Variants in ST7 observed in about 807,000 individuals in gnomAD.
ST7 encodes suppressor of tumorigenicity 7 protein.
A neutral mutation model predicts 78.7 loss-of-function variants in ST7; 28 were observed. The observed-to-expected ratio is 0.36, with a 90% CI of 0.26 to 0.49. The LOEUF (loss-of-function observed/expected upper bound fraction) is 0.49, where lower values mean the gene tolerates loss of function less well. Ranked by LOEUF, ST7 falls within the 20% of genes least tolerant of loss-of-function variation. ST7 has a pLI of 0.99. For synonymous variants in ST7, 247 were observed against 249.6 expected, an observed-to-expected ratio of 0.99 and a Z score of 0.10; for missense variants, 418 against 696.0, an observed-to-expected ratio of 0.60 and a Z score of 4.49.
At chr7:117,098,788 A>C in intron 1 of ST7, 1 of 1,302,258 alleles carries the variant, frequency 7.7e-7, no homozygotes, top group South Asian at 1.2e-5. Context: ...TTCAGTAAAG[A>C]AATGTGAATA....
intron 1 of ST7, among the ~76,000 whole-genome samples, chr7:117,065,531 T>C (rs1384997289): frequency 1.3e-5 from 2 of 152,122 alleles, no homozygotes; most frequent in African/African-American, 4.8e-5. Flanking sequence ...TGGTACACTT[T>C]ATACCAGTTC....
At chr7:116,958,323 A>G (rs1792634717) in intron 1 of ST7, among the ~76,000 whole-genome samples, 1 of 151,836 alleles carries the variant, frequency 6.6e-6, no homozygotes, top group Non-Finnish European at 1.5e-5. Flanking sequence ...TTTTGTGTTA[A>G]TTAAGCTCAT....
chr7:116,971,315 A>T (rs1263341282), intron 1 of ST7, among the ~76,000 whole-genome samples: 1 of 152,256 alleles, frequency 6.6e-6, no homozygotes, highest in Non-Finnish European at 1.5e-5. Context: ...CTTCAAACCC[A>T]GAAAAGGGTA....
chr7:117,223,006 C>A, intron 15 of ST7: 1 of 1,511,826 alleles, frequency 6.6e-7, no homozygotes, highest in Admixed American at 1.7e-5. Context: ...TCCCCCACCA[C>A]CAAAACTGCT....
intron 13 of ST7, among the ~76,000 whole-genome samples, chr7:117,211,010 AT>A (rs1287649136): frequency 6.6e-6 from 1 of 151,872 alleles, no homozygotes; most frequent in Non-Finnish European, 1.5e-5. Context: ...TTCCATTTTC[AT>A]TTTGATAATC....
chr7:116,960,758 C>T (rs1308851157), intron 1 of ST7, among the ~76,000 whole-genome samples: 1 of 152,080 alleles, frequency 6.6e-6, no homozygotes, highest in Admixed American at 6.5e-5. Context: ...AAAATTGTCT[C>T]CATTCTGTAG....
intron 2 of ST7, among the ~76,000 whole-genome samples, chr7:117,110,810 C>T (rs1306212625): frequency 6.6e-6 from 1 of 152,162 alleles, no homozygotes; most frequent in African/African-American, 2.4e-5. Flanking sequence ...AAGGGATTTC[C>T]CTAGAGCCTG....
chr7:117,206,458 A>C (rs1426225245), intron 12 of ST7, among the ~76,000 whole-genome samples: 1 of 152,182 alleles, frequency 6.6e-6, no homozygotes, highest in African/African-American at 2.4e-5. Context: ...CACAATAACT[A>C]ATATAAGGTG....
intron 1 of ST7, among the ~76,000 whole-genome samples, chr7:117,047,655 G>A (rs1379816572): frequency 6.6e-6 from 1 of 152,206 alleles, no homozygotes; most frequent in Non-Finnish European, 1.5e-5. Flanking sequence ...GATGTAATGT[G>A]AAATCTGTGA....
chr7:117,216,665 C>T (rs1792711749), intron 13 of ST7, among the ~76,000 whole-genome samples: 1 of 152,148 alleles, frequency 6.6e-6, no homozygotes, highest in African/African-American at 2.4e-5. Flanking sequence ...ACCTCCCCTG[C>T]TTATCTCACA....
At chr7:117,055,958 A>G (rs1328854535) in intron 1 of ST7, among the ~76,000 whole-genome samples, 3 of 152,204 alleles carry the variant, frequency 2.0e-5, no homozygotes, top group Non-Finnish European at 4.4e-5. Flanking sequence ...ATACTGAAGA[A>G]CTTGGAGTCC....
chr7:117,193,748 G>A (rs1810011824), intron 12 of ST7, among the ~76,000 whole-genome samples: 1 of 152,162 alleles, frequency 6.6e-6, no homozygotes, highest in African/African-American at 2.4e-5. Flanking sequence ...CTCTATCACA[G>A]GAATTTGTCA....
At chr7:117,039,049 AT>A (rs962806983) in intron 1 of ST7, among the ~76,000 whole-genome samples, 15 of 152,180 alleles carry the variant, frequency 9.9e-5, no homozygotes, top group African/African-American at 3.6e-4. Context: ...TTTGAAACAT[AT>A]TTTTTTAGCT....
intron 3 of ST7, among the ~76,000 whole-genome samples, chr7:117,125,865 T>C (rs769313325): frequency 5.2e-4 from 79 of 152,158 alleles, no homozygotes; most frequent in Non-Finnish European, 6.5e-4. Context: ...TTCCAAAATA[T>C]GATGTTGCAG....
At chr7:117,148,532 C>A (rs146981031) in intron 9 of ST7, among the ~76,000 whole-genome samples, 12 of 152,014 alleles carry the variant, frequency 7.9e-5, no homozygotes, top group Non-Finnish European at 1.6e-4. Flanking sequence ...TTTTTTTGAG[C>A]GTGTGTGCTG....
intron 2 of ST7, among the ~76,000 whole-genome samples, chr7:117,105,780 T>C (rs1479025755): frequency 6.6e-6 from 1 of 152,198 alleles, no homozygotes; most frequent in Non-Finnish European, 1.5e-5. Context: ...CCTGATTTGA[T>C]CTTTACATAT....
chr7:116,971,576 G>A (rs550866697), intron 1 of ST7, among the ~76,000 whole-genome samples: 4 of 152,106 alleles, frequency 2.6e-5, no homozygotes, highest in Middle Eastern at 3.2e-3. Flanking sequence ...CTGAAAACTT[G>A]AACAGCACAT....
At chr7:117,064,503 G>A (rs1314267066) in intron 1 of ST7, among the ~76,000 whole-genome samples, 1 of 152,144 alleles carries the variant, frequency 6.6e-6, no homozygotes, top group Non-Finnish European at 1.5e-5. Flanking sequence ...GTATAGTGGT[G>A]TCTTCACCAG....
chr7:117,028,743 G>A (rs765059710), intron 1 of ST7, among the ~76,000 whole-genome samples: 4 of 152,148 alleles, frequency 2.6e-5, no homozygotes, highest in Admixed American at 2.6e-4. Flanking sequence ...TCTCATGAAG[G>A]GTCTCTTGCA....
Sources: allele counts gnomAD v4.1 joint callset (sites outside exome capture counted in the v4.1 genomes callset), GRCh38; gene constraint gnomAD v4.1.1; transcripts MANE v1.5; gene names NCBI Gene and HGNC (gene_info 2026-07-23, HGNC 2026-07-21).